Variants in PPFIBP1 observed in about 807,000 individuals in gnomAD.
PPFIBP1 encodes PPFIB scaffold protein 1.
In PPFIBP1, 112 loss-of-function variants were observed where a neutral mutation model predicts 137.8. The ratio of observed to expected loss-of-function variants is 0.81; its 90% confidence interval spans 0.70 to 0.95. The LOEUF (loss-of-function observed/expected upper bound fraction) is 0.95. Among genes scored for constraint, PPFIBP1 ranks in the 40% least tolerant of loss-of-function variants. The probability of loss-of-function intolerance (pLI) is 0.00; values close to 1 mark genes in which losing one functional copy is unlikely to be tolerated. For missense variants in PPFIBP1, 1,083 were observed against 1,196.6 expected, an observed-to-expected ratio of 0.91 and a Z score of 1.40; for synonymous variants, 378 against 417.3, an observed-to-expected ratio of 0.91 and a Z score of 1.15.
At chr12:27,568,250 T>C (rs960078780) in intron 1 of PPFIBP1, among the ~76,000 whole-genome samples, 1 of 152,212 alleles carries the variant, frequency 6.6e-6, no homozygotes. Flanking sequence ...GTAGCCACAG[T>C]AATCTTAGAA....
At chr12:27,645,205 T>C (rs1263772116) in intron 4 of PPFIBP1, among the ~76,000 whole-genome samples, 1 of 152,224 alleles carries the variant, frequency 6.6e-6, no homozygotes, top group Admixed American at 6.5e-5. Context: ...AATCAGGAAA[T>C]TCTATTGGGA....
chr12:27,592,730 C>A, intron 2 of PPFIBP1: 1 of 1,055,306 alleles, frequency 9.5e-7, no homozygotes, highest in Non-Finnish European at 1.5e-6. Flanking sequence ...CTTTGGCTGG[C>A]AGTTGCCTGG....
chr12:27,685,871 T>A (rs2061173535), intron 24 of PPFIBP1, among the ~76,000 whole-genome samples: 2 of 152,266 alleles, frequency 1.3e-5, no homozygotes, highest in African/African-American at 4.8e-5. Flanking sequence ...TTAAAATTAT[T>A]TTAAAATAAA....
rs567204464 is a variant in PPFIBP1 at position 27,540,327 on chromosome 12, A to G, written c.-124+15962A>G. 2.0e-5 allele frequency among the ~76,000 whole-genome samples: 3 copies of G among 152,178 alleles called. No homozygotes were observed. In the East Asian group the frequency reaches 5.8e-4, roughly 29 times the overall value. ...AAGATGAAACAAGATAATGAATGCA[A>G]AGAGTTTGGCGTAGTTAGCTGGTAC... On this transcript the variant is annotated intron_variant, in intron 1 of 29. Transcript: ENST00000228425.
chr12:27,650,438 C>T (rs1448515233), intron 7 of PPFIBP1, among the ~76,000 whole-genome samples: 1 of 152,210 alleles, frequency 6.6e-6, no homozygotes, highest in Non-Finnish European at 1.5e-5. Context: ...ATCCGTCCAT[C>T]CATACTGTTT....
At chr12:27,582,224 G>A (rs80110836) in intron 2 of PPFIBP1, among the ~76,000 whole-genome samples, 2,790 of 152,244 alleles carry the variant, frequency 0.018, 78 homozygotes, top group African/African-American at 0.064. Context: ...GTGTATGTGT[G>A]TGTGCATACA....
chr12:27,563,609 C>T (rs578200444), intron 1 of PPFIBP1, among the ~76,000 whole-genome samples: 2 of 152,132 alleles, frequency 1.3e-5, no homozygotes, highest in East Asian at 3.9e-4. Context: ...CCAAGGAATG[C>T]AGGTGATCCC....
chr12:27,539,033 C>G (rs1410341533), intron 1 of PPFIBP1, among the ~76,000 whole-genome samples: 1 of 152,026 alleles, frequency 6.6e-6, no homozygotes, highest in Non-Finnish European at 1.5e-5. Flanking sequence ...AGCCCCCCAC[C>G]AATGAAGAAT....
At chr12:27,610,520 A>G (rs772722689) in intron 2 of PPFIBP1, among the ~76,000 whole-genome samples, 12 of 152,182 alleles carry the variant, frequency 7.9e-5, no homozygotes, top group African/African-American at 1.2e-4. Context: ...GAGGCACAAC[A>G]TTTTTTCATC....
chr12:27,558,667 G>T (rs139538906), intron 1 of PPFIBP1, among the ~76,000 whole-genome samples: 2 of 151,720 alleles, frequency 1.3e-5, no homozygotes, highest in African/African-American at 4.8e-5. Context: ...TAAATTATGC[G>T]TATGTTTGAT....
intron 5 of PPFIBP1, among the ~76,000 whole-genome samples, chr12:27,647,368 T>G (rs2139511385): frequency 6.6e-6 from 1 of 152,172 alleles, no homozygotes; most frequent in Non-Finnish European, 1.5e-5. Flanking sequence ...TTTTGATAAT[T>G]TCTATTTCAA....
intron 1 of PPFIBP1, among the ~76,000 whole-genome samples, chr12:27,555,897 G>A (rs1393843664): frequency 6.6e-6 from 1 of 152,120 alleles, no homozygotes; most frequent in Non-Finnish European, 1.5e-5. Context: ...AAGAGACTTT[G>A]CATAAAAAAA....
Position 27,691,842 on chromosome 12 carries a change from G to A in PPFIBP1, c.2779G>A (p.Ala927Thr), listed in dbSNP as rs200511262. The change falls in exon 28 of 30, where the codon GCA becomes ACA. Residue 927 changes from alanine to threonine, a missense_variant. Transcript: ENST00000228425. ...EYVCPMELGQ[A>T]SGSASKKGFK... ...TGTTTGTCCAATGGAATTGGGACAG[G>A]CATCAGGAAGTGCATCTAAGAAAGG... 144 of 1,613,810 alleles carry A rather than the reference G, an allele frequency of 8.9e-5. No homozygotes were observed. Among genetic ancestry groups the A allele is most frequent in the Non-Finnish European group, 1.1e-4 (132 of 1,179,836 alleles).
chr12:27,532,774 A>G (rs551744174), intron 1 of PPFIBP1, among the ~76,000 whole-genome samples: 20 of 152,294 alleles, frequency 1.3e-4, no homozygotes, highest in African/African-American at 4.8e-4. Flanking sequence ...AAGAGAGAAC[A>G]ATATTGTTTG....
chr12:27,645,211 T>C (rs17801352), intron 4 of PPFIBP1, among the ~76,000 whole-genome samples: 18,566 of 152,248 alleles, frequency 0.12, 1,414 homozygotes, highest in East Asian at 0.18. Context: ...GAAATTCTAT[T>C]GGGATTACAT....
intron 17 of PPFIBP1, among the ~76,000 whole-genome samples, chr12:27,675,674 C>T (rs1263139633): frequency 2.0e-5 from 3 of 152,098 alleles, no homozygotes; most frequent in Admixed American, 6.5e-5. Context: ...CAACAAAAAT[C>T]AACTCAAGAT....
chr12:27,617,207 G>A lies in PPFIBP1; in HGVS notation c.-35-16155G>A, dbSNP rs1167199441. ...GAAAAGTATGTTGTTCCGCAGCCTT[G>A]TTTTTAGGCTCAAATAAACACCCCA... On this transcript the variant is annotated intron_variant, in intron 2 of 29. Coordinates refer to ENST00000228425, the MANE Select transcript of PPFIBP1 (RefSeq NM_003622.4). Among the ~76,000 whole-genome samples the A allele has an allele frequency of 2.0e-5, 3 of 152,146 alleles. No homozygotes were observed. The East Asian group carries it at 5.8e-4, about 29-fold the overall frequency.
intron 17 of PPFIBP1, among the ~76,000 whole-genome samples, chr12:27,675,694 A>G (rs1447445537): frequency 6.6e-6 from 1 of 152,224 alleles, no homozygotes; most frequent in Non-Finnish European, 1.5e-5. Context: ...TGGATTAAGA[A>G]CTTACATATA....
At chr12:27,576,158 C>CT (rs796686261) in intron 1 of PPFIBP1, among the ~76,000 whole-genome samples, 21 of 151,384 alleles carry the variant, frequency 1.4e-4, no homozygotes, top group South Asian at 2.1e-4. Context: ...TCCCCCACCG[C>CT]TTTTTTTTTC....
Sources: allele counts gnomAD v4.1 joint callset (sites outside exome capture counted in the v4.1 genomes callset), GRCh38; gene constraint gnomAD v4.1.1; transcripts MANE v1.5; gene names NCBI Gene and HGNC (gene_info 2026-07-23, HGNC 2026-07-21).